Variants in EBF4 observed in about 807,000 individuals in gnomAD.
The protein encoded by EBF4 is EBF transcription factor 4.
Under a neutral mutation model 67.1 loss-of-function variants are expected in EBF4, and 34 were observed. The ratio of observed to expected loss-of-function variants is 0.51; its 90% CI spans 0.39 to 0.67. EBF4 has a LOEUF of 0.67. Among genes scored for constraint, EBF4 ranks in the 30% least tolerant of loss-of-function variants. The pLI is 0.00. For missense variants in EBF4, 837 were observed against 873.3 expected, an observed-to-expected ratio of 0.96 and a Z score of 0.52; for synonymous variants, 387 against 377.7, an observed-to-expected ratio of 1.02 and a Z score of -0.29.
At chr20:2,712,966 T>C (rs1487284062) in intron 6 of EBF4, among the ~76,000 whole-genome samples, 2 of 152,070 alleles carry the variant, frequency 1.3e-5, no homozygotes, top group Admixed American at 1.3e-4. Flanking sequence ...TCAGTGGAGT[T>C]GAGGGGCAGA....
At position 2,693,628 on chromosome 20, in the gene EBF4, C is replaced by T. The variant is rs1414872564; in HGVS notation, c.-18C>T. ...CCGGATCCGGGGCGGCGGGGGCGCTCACTCACCGCGCGCCCTCATGTTCCC... is the reference window on the plus strand; with the variant it reads ...CCGGATCCGGGGCGGCGGGGGCGCTTACTCACCGCGCGCCCTCATGTTCCC... On this transcript the variant is annotated 5_prime_UTR_variant, in exon 1 of 17. Transcript: ENST00000609451. This position sits in a 1 kb window ranked among gnomAD's most constrained non-coding sequence, Gnocchi z 4.6. 6 of 1,383,000 alleles carry T rather than the reference C, an allele frequency of 4.3e-6. No individual in the cohort carries two copies. The African/African-American group carries it at 7.6e-5, about 17-fold the overall frequency. The allele number at this position is 1,383,000 out of a possible 1,614,324, so 85.7% of individuals were successfully genotyped here.
chr20:2,706,015 C>T (rs1207624736), exon 3 of EBF4: 6 of 1,551,508 alleles, frequency 3.9e-6, no homozygotes, highest in Non-Finnish European at 5.2e-6. Flanking sequence ...TCCATTACCG[C>T]CTCCGGCTGG....
intron 7 of EBF4, among the ~76,000 whole-genome samples, chr20:2,749,187 C>T (rs1338850889): frequency 1.3e-5 from 2 of 152,142 alleles, no homozygotes; most frequent in East Asian, 1.9e-4. Context: ...ATTTTTGTAG[C>T]GCCTGGGGAG....
rs1249268315 is a variant in EBF4, at chr20:2,747,547, CAT to C, written c.558-1001_558-1000del. Among the ~76,000 whole-genome samples, 4 of 152,130 alleles carry C rather than the reference CAT, an allele frequency of 2.6e-5. No individual in the cohort carries two copies. Among genetic ancestry groups the C allele is most frequent in the Non-Finnish European group, 5.9e-5 (4 of 68,030 alleles). The stretch of plus-strand genomic sequence containing the variant: ...AGACATTCACGGTGTCTCTGTACCA[CAT>C]GTCTGACAGATACACCATGTGTATA... On this transcript the variant is annotated intron_variant, in intron 6 of 16. Coordinates refer to ENST00000609451, the Ensembl canonical transcript of EBF4. The surrounding 1 kb of genome is among the most constrained non-coding windows in gnomAD (Gnocchi z 4.6).
chr20:2,705,275 A>G (rs2087435010), intron 1 of EBF4, among the ~76,000 whole-genome samples: 1 of 152,232 alleles, frequency 6.6e-6, no homozygotes, highest in African/African-American at 2.4e-5. Flanking sequence ...CTGGCCTTGC[A>G]AAATGTGCTG....
At position 2,756,282 on chromosome 20, in the gene EBF4, G is replaced by A. The variant is rs1192187623; in HGVS notation, c.1738+458G>A. Among the ~76,000 whole-genome samples, 2 of 152,214 alleles carry A rather than the reference G, an allele frequency of 1.3e-5. No individual in the cohort carries two copies. Among genetic ancestry groups the A allele is most frequent in the Non-Finnish European group, 2.9e-5 (2 of 68,030 alleles). On this transcript the variant is annotated intron_variant, in intron 15 of 16. Transcript: ENST00000609451. This position sits in a 1 kb window ranked among gnomAD's most constrained non-coding sequence, Gnocchi z 4.5. ...CTGACCTTAGAAGAGGCTTAGCCCAGCTTCCCTCCCCGCATTTTACAGATT... is the reference window on the plus strand; with the variant it reads ...CTGACCTTAGAAGAGGCTTAGCCCAACTTCCCTCCCCGCATTTTACAGATT...
chr20:2,735,477 A>T (rs6037391), intron 6 of EBF4, among the ~76,000 whole-genome samples: 17,861 of 152,184 alleles, frequency 0.12, 1,250 homozygotes, highest in East Asian at 0.29. Context: ...ACATGTTGTT[A>T]ATTTTTAGAG....
In EBF4 at chr20:2,736,330, G is replaced by A. The variant is rs778748958; in HGVS notation, c.558-12219G>A. Among the ~76,000 whole-genome samples the A allele has an allele frequency of 5.3e-5, 8 of 152,226 alleles. No individual in the cohort carries two copies. In the South Asian group the frequency reaches 8.3e-4, roughly 16 times the overall value. ...GACACTATTGGAATAGTTTAGGTCCGAGCCACCTGGCAAAGGTAAGCTCTG... is the reference window on the plus strand; with the variant it reads ...GACACTATTGGAATAGTTTAGGTCCAAGCCACCTGGCAAAGGTAAGCTCTG... On this transcript the variant is annotated intron_variant, in intron 6 of 16. Transcript: ENST00000609451.
chr20:2,697,685 C>T (rs2087316048), intron 1 of EBF4, among the ~76,000 whole-genome samples: 1 of 152,184 alleles, frequency 6.6e-6, no homozygotes, highest in Non-Finnish European at 1.5e-5. Flanking sequence ...GGGAAGTCTG[C>T]ACAAGGACCC....
chr20:2,746,758 G>A (rs1181230604), intron 6 of EBF4, among the ~76,000 whole-genome samples: 1 of 152,140 alleles, frequency 6.6e-6, no homozygotes, highest in African/African-American at 2.4e-5. Flanking sequence ...CCCAGGTTTG[G>A]GACTCTTGTA....
Position 2,756,341 on chromosome 20 carries a change from A to G in EBF4, c.1738+517A>G, listed in dbSNP as rs966069236. ...AGACCAAGTCATCTTCCCACATCCC[A>G]TTCATGAAATGGCTGTTCTCTCACT... On this transcript the variant is annotated intron_variant, in intron 15 of 16. Transcript: ENST00000609451. The surrounding 1 kb of genome is among the most constrained non-coding windows in gnomAD (Gnocchi z 4.5). 6.6e-6 allele frequency among the ~76,000 whole-genome samples: 1 copy of G among 152,186 alleles called. No individual in the cohort carries two copies. Among genetic ancestry groups the G allele is most frequent in the African/African-American group, 2.4e-5 (1 of 41,444 alleles).
intron 6 of EBF4, among the ~76,000 whole-genome samples, chr20:2,743,566 G>T (rs1227250716): frequency 6.6e-6 from 1 of 152,198 alleles, no homozygotes; most frequent in East Asian, 1.9e-4. Flanking sequence ...AAGACGAAGA[G>T]AAAGTGATAC....
chr20:2,713,240 A>C (rs1425978865), intron 6 of EBF4, among the ~76,000 whole-genome samples: 1 of 152,216 alleles, frequency 6.6e-6, no homozygotes. Context: ...GACCTAGTGC[A>C]TAGGTAGAGA....
intron 6 of EBF4, among the ~76,000 whole-genome samples, chr20:2,717,838 T>G (rs905860294): frequency 4.0e-5 from 6 of 148,612 alleles, no homozygotes; most frequent in African/African-American, 1.5e-4. Flanking sequence ...TGAGACAGAG[T>G]CTCGCTCTGT....
At chr20:2,752,503 C>G in exon 14 of EBF4, 1 of 1,257,024 alleles carries the variant, frequency 8.0e-7, no homozygotes, top group Non-Finnish European at 1.0e-6. Flanking sequence ...GCCTGGGTCC[C>G]CCAGCTTCCT....
intron 6 of EBF4, among the ~76,000 whole-genome samples, chr20:2,711,134 T>C (rs2087538054): frequency 6.9e-6 from 1 of 145,336 alleles, no homozygotes; most frequent in African/African-American, 2.7e-5. Context: ...GGCAACAGAG[T>C]GAGACCCTGT....
intron 6 of EBF4, among the ~76,000 whole-genome samples, chr20:2,726,441 G>A (rs1282807260): frequency 6.6e-6 from 1 of 152,030 alleles, no homozygotes; most frequent in Non-Finnish European, 1.5e-5. Flanking sequence ...AATTAGCCAG[G>A]GGTGATGGTG....
At chr20:2,705,086 G>C (rs573943512) in intron 1 of EBF4, among the ~76,000 whole-genome samples, 1 of 152,222 alleles carries the variant, frequency 6.6e-6, no homozygotes, top group Non-Finnish European at 1.5e-5. Flanking sequence ...GCCTCCAAGG[G>C]TCTGATGGAC....
chr20:2,709,432 G>T, intron 5 of EBF4, 142 bp from the exon 6 acceptor site: 1 of 688,316 alleles, frequency 1.5e-6, no homozygotes, highest in Non-Finnish European at 2.2e-6. Context: ...CCCTGGGAGT[G>T]AGCCCCTCCA....
Sources: allele counts gnomAD v4.1 joint callset (sites outside exome capture counted in the v4.1 genomes callset), GRCh38; gene constraint gnomAD v4.1.1; non-coding constraint Gnocchi (gnomAD v3.1); transcripts MANE v1.5; gene names NCBI Gene and HGNC (gene_info 2026-07-23, HGNC 2026-07-21).